The following GRID2 variants were observed in gnomAD, a reference collection of about 807,000 sequenced individuals.
GRID2 encodes glutamate receptor ionotropic, delta-2.
Under a neutral mutation model 114.8 loss-of-function variants are expected in GRID2, and 33 were observed. That is an observed-to-expected ratio of 0.29 (90% confidence interval 0.22 to 0.38). The LOEUF is 0.38. Among genes scored for constraint, GRID2 ranks in the 10% least tolerant of loss-of-function variants. The pLI, the probability that GRID2 is intolerant of heterozygous loss-of-function variation, is 1.00. For synonymous variants in GRID2, 505 were observed against 449.9 expected (o/e 1.12, Z -1.55); for missense variants, 1,184 against 1,257.7 (o/e 0.94, Z 0.89).
At chr4:92,559,077 T>G in intron 1 of GRID2, among the ~76,000 whole-genome samples, 1 of 152,216 alleles carries the variant, frequency 6.6e-6, no homozygotes, top group East Asian at 1.9e-4. Context: ...GCCTGTTCAT[T>G]ATTTATGCCA....
intron 13 of GRID2, among the ~76,000 whole-genome samples, chr4:93,600,706 A>G (rs899624875): frequency 2.6e-5 from 4 of 152,164 alleles, no homozygotes; most frequent in African/African-American, 9.6e-5. Flanking sequence ...AGCAGTTCCA[A>G]TCTCAGGTAT....
intron 1 of GRID2, among the ~76,000 whole-genome samples, chr4:92,356,187 G>A (rs1286467053): frequency 1.3e-5 from 2 of 151,360 alleles, no homozygotes; most frequent in African/African-American, 4.8e-5. Context: ...TATATAAAAT[G>A]ACAGAGTAAA....
chr4:93,060,402 C>CTTT (rs1323693942), intron 2 of GRID2, among the ~76,000 whole-genome samples: 2 of 152,076 alleles, frequency 1.3e-5, no homozygotes, highest in Admixed American at 6.6e-5. Context: ...TTTGTGTTTC[C>CTTT]ATGGAAGGAA....
rs1721740377 is a variant in GRID2, at chr4:92,466,123, T to C, written c.89-124008T>C. Among the ~76,000 whole-genome samples, 3 of 151,952 alleles carry C rather than the reference T, an allele frequency of 2.0e-5. No homozygotes were observed. In the South Asian group the frequency reaches 6.2e-4, roughly 31 times the overall value. On this transcript the variant is annotated intron_variant, in intron 1 of 15. Transcript: ENST00000282020. The stretch of plus-strand genomic sequence containing the variant: ...TGCAATTACTTTTAATTACACTATA[T>C]ATAATGGACAGTTAATTTTACTACA...
chr4:93,070,517 A>G lies in GRID2; in HGVS notation c.245-14478A>G, dbSNP rs553341261. Among the ~76,000 whole-genome samples the G allele has an allele frequency of 3.9e-5, 6 of 152,222 alleles. No homozygotes were observed. In the South Asian group the frequency reaches 1.0e-3, roughly 26 times the overall value. Reference sequence around the variant, plus strand: ...AAATTGTAATAATAATGATTGATTCATGAATGGATAACTGTGATCCAGCTC... The same window carrying G: ...AAATTGTAATAATAATGATTGATTCGTGAATGGATAACTGTGATCCAGCTC... On this transcript the variant is annotated intron_variant, in intron 2 of 15. Coordinates refer to ENST00000282020, the MANE Select transcript of GRID2 (RefSeq NM_001510.4).
At chr4:92,995,630 A>G (rs961078645) in intron 2 of GRID2, among the ~76,000 whole-genome samples, 9 of 152,162 alleles carry the variant, frequency 5.9e-5, no homozygotes, top group Admixed American at 1.3e-4. Context: ...TGTAATAGTA[A>G]AAATGTAATA....
chr4:93,741,194 T>TATATATAC (rs1283721911), intron 14 of GRID2, among the ~76,000 whole-genome samples: 5 of 30,114 alleles, frequency 1.7e-4, no homozygotes, highest in Admixed American at 8.5e-4. Flanking sequence ...TATATATATA[T>TATATATAC]ATATATGTAT....
chr4:93,386,901 C>T (rs1249433334), intron 8 of GRID2, among the ~76,000 whole-genome samples: 1 of 152,158 alleles, frequency 6.6e-6, no homozygotes, highest in Non-Finnish European at 1.5e-5. Context: ...TGAATGGAGG[C>T]TCCTGGGCTA....
At chr4:92,570,255 CA>C (rs1207457041) in intron 1 of GRID2, among the ~76,000 whole-genome samples, 1 of 151,902 alleles carries the variant, frequency 6.6e-6, no homozygotes, top group Non-Finnish European at 1.5e-5. Flanking sequence ...TATCAAAGAT[CA>C]GATGCTTATA....
intron 5 of GRID2, among the ~76,000 whole-genome samples, chr4:93,215,283 A>T (rs1744066391): frequency 6.6e-6 from 1 of 152,056 alleles, no homozygotes; most frequent in Non-Finnish European, 1.5e-5. Context: ...AAAGTCATAC[A>T]ATTTTCCACT....
At chr4:92,775,765 AT>A (rs1738765512) in intron 2 of GRID2, among the ~76,000 whole-genome samples, 1 of 152,102 alleles carries the variant, frequency 6.6e-6, no homozygotes, top group Admixed American at 6.6e-5. Flanking sequence ...GTTTAGTTTA[AT>A]TGTCAGAGTA....
intron 13 of GRID2, among the ~76,000 whole-genome samples, chr4:93,578,834 C>A (rs561365184): frequency 1.6e-3 from 241 of 152,236 alleles, no homozygotes; most frequent in African/African-American, 5.5e-3. Context: ...ACCTCGTGAT[C>A]TGCCCGCCTC....
intron 2 of GRID2, among the ~76,000 whole-genome samples, chr4:92,993,473 A>G (rs1198748596): frequency 2.0e-5 from 3 of 151,722 alleles, no homozygotes; most frequent in Non-Finnish European, 4.4e-5. Context: ...CTATTAAATA[A>G]TAGGGAATAC....
At chr4:92,955,575 T>C (rs1166972646) in intron 2 of GRID2, among the ~76,000 whole-genome samples, 2 of 152,094 alleles carry the variant, frequency 1.3e-5, no homozygotes, top group Non-Finnish European at 2.9e-5. Context: ...TTGCCTGTTC[T>C]CTCTGATGGT....
chr4:93,631,116 C>G (rs938783594), intron 14 of GRID2, among the ~76,000 whole-genome samples: 3 of 152,144 alleles, frequency 2.0e-5, no homozygotes, highest in Non-Finnish European at 4.4e-5. Flanking sequence ...CAGAGTCTGG[C>G]TCCAAAAACT....
intron 8 of GRID2, among the ~76,000 whole-genome samples, chr4:93,303,881 C>G (rs932280980): frequency 6.6e-6 from 1 of 152,006 alleles, no homozygotes; most frequent in South Asian, 2.1e-4. Flanking sequence ...AATGGTATTA[C>G]CATTTCATAA....
intron 8 of GRID2, among the ~76,000 whole-genome samples, chr4:93,390,035 C>T (rs10025149): frequency 0.22 from 33,255 of 152,118 alleles, 5,474 homozygotes; most frequent in African/African-American, 0.46. Context: ...GTGATCTACC[C>T]GCCTTGGCCT....
intron 13 of GRID2, among the ~76,000 whole-genome samples, chr4:93,614,572 A>T (rs1310833303): frequency 3.9e-5 from 6 of 152,066 alleles, no homozygotes; most frequent in Admixed American, 1.3e-4. Context: ...ATTCTGTATT[A>T]TTTATTTTTA....
intron 2 of GRID2, among the ~76,000 whole-genome samples, chr4:92,978,189 G>A (rs763615851): frequency 2.6e-5 from 4 of 152,076 alleles, no homozygotes; most frequent in African/African-American, 4.8e-5. Flanking sequence ...AAACCAAGAC[G>A]CACTGAATGT....
Sources: gnomAD v4.1 joint callset for allele counts (sites outside exome capture counted in the v4.1 genomes callset) on GRCh38, gnomAD v4.1.1 for gene constraint, MANE v1.5 for transcripts, NCBI Gene and HGNC (gene_info 2026-07-23, HGNC 2026-07-21) for gene names.